The following ZNF791 variants were observed in gnomAD, a reference collection of about 807,000 sequenced individuals.
ZNF791 encodes zinc finger protein 791.
ZNF791 carries 4 observed loss-of-function variants against 11.5 expected under a neutral mutation model. That is an observed-to-expected ratio of 0.35 (90% CI 0.17 to 0.80). ZNF791 has a LOEUF of 0.80. ZNF791 is among the 30% of genes least tolerant of loss of function. The pLI, the probability that ZNF791 is intolerant of heterozygous loss-of-function variation, is 0.53. For synonymous variants in ZNF791, 212 were observed against 228.1 expected (o/e 0.93, Z 0.64); for missense variants, 559 against 699.4 (o/e 0.80, Z 2.26).
chr19:12,617,612 A>G (rs1210624053), intron 1 of ZNF791, among the ~76,000 whole-genome samples: 1 of 152,120 alleles, frequency 6.6e-6, no homozygotes, highest in Non-Finnish European at 1.5e-5. Context: ...TTTTGTCCAC[A>G]ACATGGTTTA....
At chr19:12,614,919 T>TTTTTTTTTG (rs2023221234) in intron 1 of ZNF791, among the ~76,000 whole-genome samples, 2 of 133,916 alleles carry the variant, frequency 1.5e-5, no homozygotes, top group African/African-American at 2.9e-5. Flanking sequence ...TTTTTTTTTT[T>TTTTTTTTTG]TTTTTTTTGA....
chr19:12,613,492 A>C (rs1257892265), intron 1 of ZNF791, among the ~76,000 whole-genome samples: 1 of 151,992 alleles, frequency 6.6e-6, no homozygotes, highest in African/African-American at 2.4e-5. Flanking sequence ...GAGGCAGGAG[A>C]ATGGCGTGGA....
At chr19:12,623,937 C>T in intron 2 of ZNF791, 111 bp downstream of exon 2, 3 of 992,226 alleles carry the variant, frequency 3.0e-6, no homozygotes, top group Non-Finnish European at 4.2e-6. Context: ...CTCACCACAA[C>T]CTCAGCCTCC....
intron 1 of ZNF791, among the ~76,000 whole-genome samples, chr19:12,618,353 A>G (rs2023279167): frequency 6.6e-6 from 1 of 152,168 alleles, no homozygotes; most frequent in Non-Finnish European, 1.5e-5. Flanking sequence ...TTTACAAAAA[A>G]TGAAAAAATT....
At position 12,628,892 on chromosome 19, in the gene ZNF791, T is replaced by C; in HGVS notation, c.1363T>C (p.Leu455=). 1 of 1,613,370 alleles carries C rather than the reference T, an allele frequency of 6.2e-7. No individual in the cohort carries two copies. The highest frequency in any genetic ancestry group is 2.2e-5 in the East Asian group (1 of 44,818). ...CGKVFIFPSA[L]RTHERTHTGE... is the part of the protein sequence containing the mutation. ...GAAGGTGTTCATTTTTCCTAGTGCG[T>C]TACGAACACATGAAAGAACTCACAC... Residue 455 remains leucine, a synonymous_variant, in exon 4 of 4, where the codon TTA becomes CTA. Transcript: ENST00000343325.
chr19:12,616,999 A>G (rs562892436), intron 1 of ZNF791, among the ~76,000 whole-genome samples: 22 of 111,452 alleles, frequency 2.0e-4, no homozygotes, highest in African/African-American at 6.5e-4. Flanking sequence ...AGATCCATGT[A>G]TAAATTTTTT....
At chr19:12,625,396 C>G (rs144598483) in intron 3 of ZNF791, among the ~76,000 whole-genome samples, 2,636 of 151,894 alleles carry the variant, frequency 0.017, 88 homozygotes, top group East Asian at 0.14. Context: ...GCTGGGATTA[C>G]AGGCACGAGC....
intron 2 of ZNF791, 145 bp downstream of exon 2, chr19:12,623,971 T>G: frequency 1.4e-6 from 1 of 735,870 alleles, no homozygotes; most frequent in Middle Eastern, 4.0e-4. Context: ...TTCTCCTACC[T>G]CAGCCTCCCG....
In ZNF791 at chr19:12,631,530, G is replaced by C. The variant is rs188812488; in HGVS notation, c.*2270G>C. The C allele has an allele frequency of 6.6e-6, 1 of 152,312 alleles. No individual in the cohort carries two copies. The highest frequency in any genetic ancestry group is 1.5e-5 in the Non-Finnish European group (1 of 68,036). 9.4% of individuals were successfully genotyped at this position (152,312 alleles called of 1,614,324 possible). A position where few individuals can be genotyped will look rare whatever the true frequency, so the allele number is the denominator to read the frequency against. ...GCAGATCACCTGAGGTCAGGAGTTCGAGACCAGCCTGGCCAAGACGGTGAA... is the reference window on the plus strand; with the variant it reads ...GCAGATCACCTGAGGTCAGGAGTTCCAGACCAGCCTGGCCAAGACGGTGAA... On this transcript the variant is annotated 3_prime_UTR_variant, in exon 4 of 4. Coordinates refer to ENST00000343325, the MANE Select transcript of ZNF791 (RefSeq NM_153358.3).
chr19:12,622,510 A>G (rs1026679005), intron 1 of ZNF791, among the ~76,000 whole-genome samples: 31 of 149,354 alleles, frequency 2.1e-4, no homozygotes, highest in African/African-American at 7.4e-4. Context: ...TGGGCTGGGT[A>G]TGGTTATTCA....
intron 3 of ZNF791, among the ~76,000 whole-genome samples, chr19:12,627,299 G>A (rs1240314596): frequency 6.6e-6 from 1 of 152,044 alleles, no homozygotes; most frequent in African/African-American, 2.4e-5. Flanking sequence ...CAAGTCAGAC[G>A]GGGCAGAAAA....
chr19:12,622,380 A>AAT (rs1304277935), intron 1 of ZNF791, among the ~76,000 whole-genome samples: 2,011 of 131,562 alleles, frequency 0.015, 47 homozygotes, highest in African/African-American at 0.05. Flanking sequence ...ATAATAAATA[A>AAT]AAAAAATAAT....
intron 1 of ZNF791, among the ~76,000 whole-genome samples, chr19:12,622,411 CAAAAAAAAA>C (rs370413296): frequency 1.5e-4 from 12 of 79,604 alleles, no homozygotes; most frequent in African/African-American, 3.2e-4. Context: ...CTGTCTCAAA[CAAAAAAAAA>C]AAAAAAAAAA....
intron 1 of ZNF791, among the ~76,000 whole-genome samples, chr19:12,616,002 C>G (rs1417618112): frequency 6.6e-6 from 1 of 152,164 alleles, no homozygotes; most frequent in African/African-American, 2.4e-5. Context: ...TTGTTAGAAA[C>G]TGCCTATCTT....
At chr19:12,611,569 CTT>C (rs1568284980) in intron 1 of ZNF791, among the ~76,000 whole-genome samples, 1 of 152,196 alleles carries the variant, frequency 6.6e-6, no homozygotes, top group Non-Finnish European at 1.5e-5. Context: ...GTCACCAACT[CTT>C]TGTCCTGTGT....
At chr19:12,616,158 G>A (rs2023242737) in intron 1 of ZNF791, among the ~76,000 whole-genome samples, 1 of 152,112 alleles carries the variant, frequency 6.6e-6, no homozygotes. Context: ...AGTTTTATTT[G>A]CAGCTCCTTA....
rs574267179 is a variant in ZNF791, at chr19:12,633,273, T to G, written c.*4013T>G. Reference sequence around the variant, plus strand: ...GGGATTTGAATAGTAGAGTTTGAATTCAGGAAGGACACCTGTGATAGGACA... The same window carrying G: ...GGGATTTGAATAGTAGAGTTTGAATGCAGGAAGGACACCTGTGATAGGACA... On this transcript the variant is annotated 3_prime_UTR_variant, in exon 4 of 4. Coordinates refer to ENST00000343325, the MANE Select transcript of ZNF791 (RefSeq NM_153358.3). The G allele has an allele frequency of 6.6e-6, 1 of 152,268 alleles. No individual in the cohort carries two copies. Among genetic ancestry groups the G allele is most frequent in the South Asian group, 2.1e-4 (1 of 4,834 alleles). The allele number at this position is 152,268 out of a possible 1,614,324, so 9.4% of individuals were successfully genotyped here. A position where few individuals can be genotyped will look rare whatever the true frequency, so the allele number is the denominator to read the frequency against.
In ZNF791 at chr19:12,627,993, C is replaced by A. The variant is rs1020591798; in HGVS notation, c.464C>A (p.Thr155Asn). 9.9e-6 allele frequency: 16 copies of A among 1,613,904 alleles called. No homozygotes were observed. Among genetic ancestry groups the A allele is most frequent in the Middle Eastern group, 3.3e-4 (2 of 6,062 alleles). Residue 155 changes from threonine (T) to asparagine (N), a missense_variant, in exon 4 of 4, where the codon ACT (threonine) becomes AAT (asparagine). By Grantham distance (65) the Thr-to-Asn change is moderately conservative (BLOSUM62 0). Coordinates refer to ENST00000343325, the MANE Select transcript of ZNF791 (RefSeq NM_153358.3). ...KSFQRHERSH[T>N]GEKPYKCKQC... The stretch of plus-strand genomic sequence containing the variant: ...TTTCAAAGACATGAAAGGAGTCACA[C>A]TGGAGAAAAACCCTATAAATGTAAA...
chr19:12,633,832 A>AAC lies in ZNF791; in HGVS notation c.*4573_*4574insCA, dbSNP rs991841967. ...ACAGTAAAACAGTAAAAAAAAAAAA[A>AAC]AACAACTATATGGGAGTTTGTTCTC... is the stretch of plus-strand genomic sequence containing the variant. On this transcript the variant is annotated 3_prime_UTR_variant, in exon 4 of 4. Transcript: ENST00000343325. 4.6e-5 allele frequency: 7 copies of AAC among 151,800 alleles called. No homozygotes were observed. The East Asian group carries it at 1.2e-3, about 25-fold the overall frequency. 9.4% of individuals were successfully genotyped at this position (151,800 alleles called of 1,614,324 possible). A position where few individuals can be genotyped will look rare whatever the true frequency, so the allele number is the denominator to read the frequency against.
Sources: allele counts gnomAD v4.1 joint callset (sites outside exome capture counted in the v4.1 genomes callset), GRCh38; gene constraint gnomAD v4.1.1; transcripts MANE v1.5; gene names NCBI Gene and HGNC (gene_info 2026-07-23, HGNC 2026-07-21).